Variants in ST7L observed in about 807,000 individuals in gnomAD.
ST7L encodes suppressor of tumorigenicity 7 protein-like.
A neutral mutation model predicts 72.5 loss-of-function variants in ST7L; 57 were observed. The ratio of observed to expected loss-of-function variants is 0.79; its 90% CI spans 0.64 to 0.98. ST7L has a LOEUF of 0.98. Ranked by LOEUF, ST7L falls within the 50% of genes least tolerant of loss-of-function variation. The pLI is 0.00. For synonymous variants in ST7L, 221 were observed against 240.9 expected (o/e 0.92, Z 0.77); for missense variants, 576 against 672.2 (o/e 0.86, Z 1.58).
intron 6 of ST7L, among the ~76,000 whole-genome samples, chr1:112,587,240 A>G (rs1571186532): frequency 6.6e-6 from 1 of 152,214 alleles, no homozygotes; most frequent in Admixed American, 6.5e-5. Flanking sequence ...GTATGTGGCT[A>G]TTCAGTTCTT....
intron 9 of ST7L, among the ~76,000 whole-genome samples, chr1:112,581,626 A>G (rs1009582325): frequency 9.2e-5 from 14 of 152,044 alleles, no homozygotes; most frequent in Non-Finnish European, 2.1e-4. Flanking sequence ...GCTGGTCTCC[A>G]ACTCCTGGGC....
downstream of ST7L, chr1:112,522,612 G>A (rs1349756664): frequency 1.3e-5 from 2 of 152,342 alleles, no homozygotes; most frequent in Non-Finnish European, 2.9e-5. Context: ...CATAGCTCTG[G>A]GCCACGGGGG....
At chr1:112,567,926 T>C (rs999923) in intron 11 of ST7L, among the ~76,000 whole-genome samples, 32,760 of 152,144 alleles carry the variant, frequency 0.22, 3,739 homozygotes, top group Middle Eastern at 0.26. Context: ...CAGCAAGCCA[T>C]TGTTAGATCT....
At chr1:112,590,695 G>A (rs1476218278) in intron 6 of ST7L, among the ~76,000 whole-genome samples, 2 of 152,048 alleles carry the variant, frequency 1.3e-5, no homozygotes, top group African/African-American at 4.8e-5. Context: ...AAGTTGCCTT[G>A]TGATTTTACA....
chr1:112,608,934 A>G (rs1668660907), intron 3 of ST7L, among the ~76,000 whole-genome samples: 1 of 152,172 alleles, frequency 6.6e-6, no homozygotes, highest in Admixed American at 6.5e-5. Context: ...GTGGTAAGCT[A>G]TTGAACAAAT....
At chr1:112,570,570 T>TATATATATATATATATATATAC (rs1183877129) in intron 11 of ST7L, among the ~76,000 whole-genome samples, 1 of 143,418 alleles carries the variant, frequency 7.0e-6, no homozygotes, top group Admixed American at 7.0e-5. Flanking sequence ...TATATATATA[T>TATATATATATATATATATATAC]ACACACACAC....
chr1:112,540,377 T>C (rs1655910823), intron 14 of ST7L: 1 of 985,472 alleles, frequency 1.0e-6, no homozygotes, highest in South Asian at 4.7e-5. Flanking sequence ...AGTAAGGTCA[T>C]TTCAGTTTGA....
At chr1:112,571,612 G>C (rs191847179) in intron 11 of ST7L, among the ~76,000 whole-genome samples, 1 of 152,242 alleles carries the variant, frequency 6.6e-6, no homozygotes, top group Admixed American at 6.5e-5. Context: ...TTTTAGTAGA[G>C]ATGGGGTTTC....
chr1:112,610,755 A>C, intron 3 of ST7L, 86 bp downstream of exon 3: 1 of 1,480,936 alleles, frequency 6.8e-7, no homozygotes, highest in Non-Finnish European at 9.2e-7. Flanking sequence ...ACACCACAGC[A>C]CTCTGCTGTT....
intron 2 of ST7L, among the ~76,000 whole-genome samples, chr1:112,616,083 A>C (rs552354582): frequency 1.3e-5 from 2 of 152,264 alleles, no homozygotes; most frequent in South Asian, 4.1e-4. Flanking sequence ...AAACCTGGTA[A>C]TACTAGTTCC....
intron 14 of ST7L, chr1:112,539,925 G>T (rs1021901389): frequency 1.0e-6 from 1 of 985,030 alleles, no homozygotes; most frequent in Non-Finnish European, 1.2e-6. Context: ...CAAAATAAAT[G>T]CTTGTTTATT....
chr1:112,521,677 T>C (rs1652890987), downstream of ST7L: 1 of 152,112 alleles, frequency 6.6e-6, no homozygotes, highest in Admixed American at 6.5e-5. Context: ...GTCCTAGTGA[T>C]TATTATTATT....
At chr1:112,549,350 G>A (rs1214437245) in intron 13 of ST7L, among the ~76,000 whole-genome samples, 1 of 152,128 alleles carries the variant, frequency 6.6e-6, no homozygotes, top group Non-Finnish European at 1.5e-5. Flanking sequence ...CTGAGATTGC[G>A]CCACTGCACT....
intron 6 of ST7L, among the ~76,000 whole-genome samples, chr1:112,589,680 G>T (rs888093323): frequency 2.0e-5 from 3 of 152,164 alleles, no homozygotes; most frequent in Admixed American, 6.5e-5. Context: ...TAAACACCTG[G>T]GAACAAAACC....
intron 14 of ST7L, among the ~76,000 whole-genome samples, chr1:112,535,387 A>C (rs1012858856): frequency 2.1e-4 from 32 of 148,890 alleles, no homozygotes; most frequent in South Asian, 1.3e-3. Context: ...AATAATACTA[A>C]TAATAATAAG....
chr1:112,616,153 C>A (rs2101082261), intron 2 of ST7L, among the ~76,000 whole-genome samples: 1 of 152,294 alleles, frequency 6.6e-6, no homozygotes, highest in East Asian at 1.9e-4. Flanking sequence ...ACTGTCCAGG[C>A]TACCCAGTCC....
At chr1:112,611,166 C>T (rs2101037547) in intron 2 of ST7L, among the ~76,000 whole-genome samples, 163 bp from the exon 3 acceptor site, 1 of 152,262 alleles carries the variant, frequency 6.6e-6, no homozygotes, top group South Asian at 2.1e-4. Context: ...AATAACATGT[C>T]ACGTAAAAGT....
chr1:112,537,979 C>T (rs1294708735), intron 14 of ST7L, among the ~76,000 whole-genome samples: 1 of 152,216 alleles, frequency 6.6e-6, no homozygotes, highest in East Asian at 1.9e-4. Context: ...TGTCCAGTGC[C>T]TGGCCTCACC....
intron 1 of ST7L, among the ~76,000 whole-genome samples, chr1:112,617,717 T>TCTCACACA (rs3221199): frequency 7.1e-5 from 9 of 126,488 alleles, no homozygotes; most frequent in East Asian, 2.0e-4. Context: ...TTTCTCTCTC[T>TCTCACACA]CACACACACA....
Sources: gnomAD v4.1 joint callset for allele counts (sites outside exome capture counted in the v4.1 genomes callset) on GRCh38, gnomAD v4.1.1 for gene constraint, MANE v1.5 for transcripts, NCBI Gene and HGNC (gene_info 2026-07-23, HGNC 2026-07-21) for gene names.